The following CLVS1 variants were observed in gnomAD, a reference collection of about 807,000 sequenced individuals.
CLVS1 encodes the protein clavesin-1.
CLVS1 carries 10 observed loss-of-function variants against 33.1 expected under a neutral mutation model. That is an observed-to-expected ratio of 0.30 (90% CI 0.19 to 0.51). CLVS1 has a LOEUF of 0.51. Ranked by LOEUF, CLVS1 falls within the 20% of genes least tolerant of loss-of-function variation. CLVS1 has a pLI of 0.97. For synonymous variants in CLVS1, 163 were observed against 166.1 expected (o/e 0.98, Z 0.14); for missense variants, 343 against 433.4 (o/e 0.79, Z 1.85).
chr8:60,991,006 C>G, the CLVS1 span, among the ~76,000 whole-genome samples: 1 of 152,124 alleles, frequency 6.6e-6, no homozygotes, highest in Non-Finnish European at 1.5e-5. Context: ...CCAACGTGCC[C>G]AACTAATTAA....
At chr8:61,326,205 T>C (rs888193605) in intron 2 of CLVS1, among the ~76,000 whole-genome samples, 1 of 152,222 alleles carries the variant, frequency 6.6e-6, no homozygotes, top group Non-Finnish European at 1.5e-5. Context: ...CATTTGGGTC[T>C]GTTGTGTACT....
chr8:61,128,390 G>A (rs956907702), intron 1 of CLVS1, among the ~76,000 whole-genome samples: 2 of 152,246 alleles, frequency 1.3e-5, no homozygotes, highest in Admixed American at 1.3e-4. Context: ...ACTGGCCACA[G>A]ATGGGTCTAT....
In CLVS1 at chr8:61,447,123, C is replaced by T. The variant is rs533758546; in HGVS notation, c.631-7018C>T. On this transcript the variant is annotated intron_variant, in intron 3 of 5. Coordinates refer to ENST00000325897, the MANE Select transcript of CLVS1 (RefSeq NM_173519.3). The stretch of plus-strand genomic sequence containing the variant: ...TTCTGCTGATTAATGATGTTGAGTT[C>T]TTCTATATCCTTGCTGATTTTCTGT... Among the ~76,000 whole-genome samples, 364 of 152,030 alleles carry T rather than the reference C, an allele frequency of 2.4e-3. 2 individuals carry two copies. The highest frequency in any genetic ancestry group is 8.3e-3 in the African/African-American group (345 of 41,468).
At chr8:61,087,564 A>G (rs779719737) in intron 1 of CLVS1, among the ~76,000 whole-genome samples, 6 of 152,178 alleles carry the variant, frequency 3.9e-5, no homozygotes, top group Admixed American at 2.6e-4. Context: ...CCTAGGTGGC[A>G]TACTGTGACG....
intron 2 of CLVS1, among the ~76,000 whole-genome samples, chr8:61,362,687 T>A (rs1813038301): frequency 6.6e-6 from 1 of 152,188 alleles, no homozygotes; most frequent in African/African-American, 2.4e-5. Context: ...TGAATTTACC[T>A]CCAGTTGAAG....
intron 1 of CLVS1, among the ~76,000 whole-genome samples, chr8:61,104,104 G>C (rs11994573): frequency 0.18 from 26,932 of 152,134 alleles, 2,544 homozygotes; most frequent in Admixed American, 0.3. Flanking sequence ...ATTTCAGCAG[G>C]CATGAAAATA....
intron 3 of CLVS1, among the ~76,000 whole-genome samples, chr8:61,435,236 A>G (rs1199676863): frequency 6.6e-6 from 1 of 152,216 alleles, no homozygotes; most frequent in East Asian, 1.9e-4. Flanking sequence ...GTGAGGCCCC[A>G]GGCCCTGAAA....
chr8:61,288,556 C>T (rs911454877), intron 1 of CLVS1, among the ~76,000 whole-genome samples: 1 of 152,152 alleles, frequency 6.6e-6, no homozygotes, highest in Non-Finnish European at 1.5e-5. Flanking sequence ...CGCCTGTTTG[C>T]GAGAAAGGGA....
At chr8:61,404,343 T>G (rs1014583166) in intron 3 of CLVS1, among the ~76,000 whole-genome samples, 2 of 152,226 alleles carry the variant, frequency 1.3e-5, no homozygotes, top group Non-Finnish European at 2.9e-5. Context: ...TTTTTATTTT[T>G]ATCTATCCCA....
chr8:61,411,814 G>A (rs1815238195), intron 3 of CLVS1, among the ~76,000 whole-genome samples: 1 of 152,156 alleles, frequency 6.6e-6, no homozygotes, highest in South Asian at 2.1e-4. Context: ...CGCCCCATGT[G>A]GTGCTTCAGA....
intron 2 of CLVS1, among the ~76,000 whole-genome samples, chr8:61,256,800 C>A (rs1386129670): frequency 6.6e-6 from 1 of 152,148 alleles, no homozygotes; most frequent in African/African-American, 2.4e-5. Flanking sequence ...GTGAAGGAAG[C>A]AATTTTAGAA....
chr8:61,406,890 C>G (rs975060853), intron 3 of CLVS1, among the ~76,000 whole-genome samples: 1 of 152,096 alleles, frequency 6.6e-6, no homozygotes, highest in South Asian at 2.1e-4. Context: ...ATTACAGGTG[C>G]GAGCTGCCGC....
the CLVS1 span, among the ~76,000 whole-genome samples, chr8:60,978,324 G>A: frequency 6.6e-6 from 1 of 152,132 alleles, no homozygotes; most frequent in Non-Finnish European, 1.5e-5. Flanking sequence ...ATAGGCAAAT[G>A]CATAAAACAA....
In CLVS1 at chr8:61,061,316, T is replaced by G. The variant is rs1265241200; in HGVS notation, c.-243+4086T>G. The stretch of plus-strand genomic sequence containing the variant: ...CAAACCAGGGGTAAAGGAAAGAGGC[T>G]CTTTCTTTTTCTTGCTGTTCCAGAT... On this transcript the variant is annotated intron_variant, in intron 1 of 2. Transcript: ENST00000522621. Among the ~76,000 whole-genome samples the G allele has an allele frequency of 2.0e-5, 3 of 152,146 alleles. No homozygotes were observed. The East Asian group carries it at 5.8e-4, about 29-fold the overall frequency.
intron 2 of CLVS1, among the ~76,000 whole-genome samples, chr8:61,191,383 T>G (rs931639100): frequency 3.9e-5 from 6 of 152,150 alleles, no homozygotes; most frequent in Non-Finnish European, 8.8e-5. Context: ...CTCAAAATAA[T>G]AAGAGCTATT....
intron 3 of CLVS1, among the ~76,000 whole-genome samples, chr8:61,403,776 AG>A (rs1814865914): frequency 6.6e-6 from 1 of 152,314 alleles, no homozygotes; most frequent in African/African-American, 2.4e-5. Flanking sequence ...GGAAGACTTC[AG>A]CAGTTGGATT....
At chr8:61,394,499 C>G (rs1283718721) in intron 3 of CLVS1, among the ~76,000 whole-genome samples, 1 of 152,042 alleles carries the variant, frequency 6.6e-6, no homozygotes, top group African/African-American at 2.4e-5. Flanking sequence ...TGGGGTGGGG[C>G]TTGCTGCAGC....
chr8:61,047,589 A>T, the CLVS1 span, among the ~76,000 whole-genome samples: 3 of 152,250 alleles, frequency 2.0e-5, no homozygotes, highest in African/African-American at 7.2e-5. Context: ...GGGCACATAT[A>T]CACCATGGAA....
chr8:61,216,572 C>A lies in CLVS1; in HGVS notation c.-151-83105C>A, dbSNP rs139527259. On this transcript the variant is annotated intron_variant, in intron 2 of 2. Transcript: ENST00000522621. ...ATCTGAGAGGAGGAAGATGGAGGAACCAGATTTATTTCATTACCTTGGAAG... is the reference window on the plus strand; with the variant it reads ...ATCTGAGAGGAGGAAGATGGAGGAAACAGATTTATTTCATTACCTTGGAAG... Among the ~76,000 whole-genome samples the A allele has an allele frequency of 3.3e-3, 502 of 152,236 alleles. 1 individual carries two copies. The highest frequency in any genetic ancestry group is 0.011 in the African/African-American group (466 of 41,534).
Sources: gnomAD v4.1 joint callset for allele counts (sites outside exome capture counted in the v4.1 genomes callset) on GRCh38, gnomAD v4.1.1 for gene constraint, MANE v1.5 for transcripts, NCBI Gene and HGNC (gene_info 2026-07-23, HGNC 2026-07-21) for gene names.